The following LYZL6 variants were observed in gnomAD, a reference collection of about 807,000 sequenced individuals.
The protein encoded by LYZL6 is lysozyme-like protein 6.
In LYZL6, 21 loss-of-function variants were observed where a neutral mutation model predicts 15.0. The observed-to-expected ratio is 1.40, with a 90% CI of 1.00 to 2.02. The LOEUF (loss-of-function observed/expected upper bound fraction) is 2.02, where lower values mean the gene tolerates loss of function less well. Among genes scored for constraint, LYZL6 ranks in the 30% most tolerant of loss-of-function variants. The pLI, the probability that LYZL6 is intolerant of heterozygous loss-of-function variation, is 0.00. For missense variants in LYZL6, 173 were observed against 180.5 expected (o/e 0.96, Z 0.24); for synonymous variants, 72 against 67.8 (o/e 1.06, Z -0.31).
rs1489735721 is a variant in LYZL6, at chr17:35,937,930, G to A, written c.140-14C>T. On this transcript the variant is annotated splice_polypyrimidine_tract_variant and intron_variant, in intron 2 of 4. Transcript: ENST00000615905. ...CCAGGCACAGCCCTTAGAGTAGGGA[G>A]AAGAAGGTCAGGATTTAGAGGGGAC... is the stretch of plus-strand genomic sequence containing the variant. The A allele has an allele frequency of 1.9e-6, 3 of 1,609,692 alleles. No homozygotes were observed. Among genetic ancestry groups the A allele is most frequent in the Non-Finnish European group, 2.5e-6 (3 of 1,179,616 alleles).
At chr17:35,943,231 G>A (rs1002932122) in intron 1 of LYZL6, among the ~76,000 whole-genome samples, 1 of 152,220 alleles carries the variant, frequency 6.6e-6, no homozygotes, top group East Asian at 1.9e-4. Flanking sequence ...ACGAACCTTG[G>A]TATTTACTTC....
intron 3 of LYZL6, 101 bp from the exon 4 acceptor site, chr17:35,936,934 C>A: frequency 9.9e-7 from 1 of 1,006,694 alleles, no homozygotes. Context: ...CACCTAGAGG[C>A]TTCCAGTTGA....
chr17:35,939,581 GT>G, intron 1 of LYZL6, 23 bp from the exon 2 acceptor site: 1 of 400,048 alleles, frequency 2.5e-6, no homozygotes, highest in Non-Finnish European at 4.4e-6. Context: ...AAAGAGAATA[GT>G]ATCATGAACC....
intron 2 of LYZL6, 24 bp downstream of exon 2, chr17:35,939,194 T>C (rs772346589): frequency 1.9e-6 from 3 of 1,606,342 alleles, no homozygotes; most frequent in Non-Finnish European, 1.7e-6. Context: ...GAGAAATGGC[T>C]GGGGAGGGGC....
intron 3 of LYZL6, 136 bp from the exon 4 acceptor site, chr17:35,936,969 C>G: frequency 2.8e-6 from 2 of 709,414 alleles, no homozygotes; most frequent in Non-Finnish European, 4.9e-6. Flanking sequence ...CCCAGGGGGC[C>G]CATTTAGACA....
Position 35,939,210 on chromosome 17 carries a change from G to A in LYZL6, c.139+8C>T, listed in dbSNP as rs2089403937. ...AGAAATGGCTGGGGAGGGGCGGATG[G>A]TACTCACAGTCACTCAGGGAGTAAC... On this transcript the variant is annotated splice_region_variant and intron_variant, in intron 2 of 4. Transcript: ENST00000615905. 1.9e-6 allele frequency: 3 copies of A among 1,612,620 alleles called. No homozygotes were observed. In the East Asian group the frequency reaches 6.7e-5, roughly 36 times the overall value.
At position 35,936,836 on chromosome 17, in the gene LYZL6, G is replaced by T; in HGVS notation, c.299-3C>A. 6.2e-7 allele frequency: 1 copy of T among 1,613,144 alleles called. No homozygotes were observed. Reference sequence around the variant, plus strand: ...AAGAAGGTTGGGATTCAGCAGATCTGAAAGGGAGGAAGAGAAAACCTGTGA... The same window carrying T: ...AAGAAGGTTGGGATTCAGCAGATCTTAAAGGGAGGAAGAGAAAACCTGTGA... On this transcript the variant is annotated splice_polypyrimidine_tract_variant and splice_region_variant and intron_variant, in intron 3 of 4. Coordinates refer to ENST00000615905, the MANE Select transcript of LYZL6 (RefSeq NM_020426.4).
intron 2 of LYZL6, among the ~76,000 whole-genome samples, chr17:35,938,375 T>C (rs995817903): frequency 1.3e-5 from 2 of 151,916 alleles, no homozygotes; most frequent in African/African-American, 4.8e-5. Flanking sequence ...ATCCCAGCAC[T>C]TTGGGAGGCT....
chr17:35,940,132 G>T (rs573265610), intron 1 of LYZL6, among the ~76,000 whole-genome samples: 2 of 152,162 alleles, frequency 1.3e-5, no homozygotes, highest in South Asian at 4.1e-4. Context: ...AATAGCAAGG[G>T]CCCTAGATTC....
intron 3 of LYZL6, among the ~76,000 whole-genome samples, 171 bp from the exon 4 acceptor site, chr17:35,937,004 C>T (rs548350413): frequency 7.1e-4 from 108 of 152,224 alleles, no homozygotes; most frequent in African/African-American, 2.4e-3. Flanking sequence ...GCTAGAGGTT[C>T]GAGGTGAAAG....
intron 1 of LYZL6, among the ~76,000 whole-genome samples, chr17:35,940,773 C>A (rs2089419451): frequency 6.6e-6 from 1 of 152,178 alleles, no homozygotes. Context: ...GAAAATATGG[C>A]ATTTTGTATC....
intron 1 of LYZL6, among the ~76,000 whole-genome samples, chr17:35,942,305 G>T (rs2089429931): frequency 6.6e-6 from 1 of 152,166 alleles, no homozygotes; most frequent in Admixed American, 6.5e-5. Context: ...ACACTAAAAA[G>T]AAATAATACT....
At chr17:35,935,012 C>A in intron 4 of LYZL6, 147 bp from the exon 5 acceptor site, 1 of 652,348 alleles carries the variant, frequency 1.5e-6, no homozygotes, top group Non-Finnish European at 2.7e-6. Context: ...TCCACTGTCC[C>A]CTCTGACGAA....
At chr17:35,938,697 C>G (rs1454593791) in intron 2 of LYZL6, among the ~76,000 whole-genome samples, 4 of 150,144 alleles carry the variant, frequency 2.7e-5, no homozygotes, top group African/African-American at 9.7e-5. Context: ...GTGCACACAA[C>G]TCCTGGGCAA....
rs2089354351 is a variant in LYZL6 at position 35,934,732 on chromosome 17, A to AT, written c.*63dup. 2.8e-6 allele frequency: 4 copies of AT among 1,454,068 alleles called. No homozygotes were observed. The Middle Eastern group carries it at 5.2e-4, about 190-fold the overall frequency. 90.1% of individuals were successfully genotyped at this position (1,454,068 alleles called of 1,614,324 possible). On this transcript the variant is annotated 3_prime_UTR_variant, in exon 5 of 5. Coordinates refer to ENST00000615905, the MANE Select transcript of LYZL6 (RefSeq NM_020426.4). ...GAAGTGGAGGCAGTAGGAAGAAGAA[A>AT]TGAAGAATCCCTGAGTGAGGACAGG...
At chr17:35,935,036 T>C (rs1464070128) in intron 4 of LYZL6, among the ~76,000 whole-genome samples, 171 bp from the exon 5 acceptor site, 1 of 152,100 alleles carries the variant, frequency 6.6e-6, no homozygotes, top group East Asian at 1.9e-4. Flanking sequence ...TGTAAAACTC[T>C]CTCATCTCTG....
intron 1 of LYZL6, among the ~76,000 whole-genome samples, chr17:35,941,977 A>T (rs2089427556): frequency 6.6e-6 from 1 of 152,254 alleles, no homozygotes; most frequent in Non-Finnish European, 1.5e-5. Flanking sequence ...ATCAAAATTA[A>T]CATCTCCAAA....
chr17:35,936,632 G>A (rs1041888293), intron 4 of LYZL6, 123 bp downstream of exon 4: 7 of 742,094 alleles, frequency 9.4e-6, no homozygotes, highest in African/African-American at 5.2e-5. Context: ...AAGCCCGTCC[G>A]CTATCCCACA....
rs777842960 is a variant in LYZL6, at chr17:35,939,204, C to T, written c.139+14G>A. 92 of 1,609,762 alleles carry T rather than the reference C, an allele frequency of 5.7e-5. No homozygotes were observed. In the South Asian group the frequency reaches 7.7e-4, roughly 14 times the overall value. On this transcript the variant is annotated intron_variant, in intron 2 of 4. Transcript: ENST00000615905. ...CAGAGGAGAAATGGCTGGGGAGGGG[C>T]GGATGGTACTCACAGTCACTCAGGG...
Sources: allele counts gnomAD v4.1 joint callset (sites outside exome capture counted in the v4.1 genomes callset), GRCh38; gene constraint gnomAD v4.1.1; transcripts MANE v1.5; gene names NCBI Gene and HGNC (gene_info 2026-07-23, HGNC 2026-07-21).